MEI4: variants seen among roughly 807,000 people sequenced by gnomAD.
MEI4 encodes meiotic double-stranded break formation protein 4, also known as meiosis-specific protein MEI4.
Under a neutral mutation model 31.4 loss-of-function variants are expected in MEI4, and 27 were observed. The ratio of observed to expected loss-of-function variants is 0.86; its 90% confidence interval spans 0.63 to 1.19. MEI4 has a LOEUF of 1.19. Ranked by LOEUF, MEI4 falls within the 50% of genes most tolerant of loss-of-function variation. The pLI, the probability that MEI4 is intolerant of heterozygous loss-of-function variation, is 0.00. For synonymous variants in MEI4, 122 were observed against 145.4 expected, an observed-to-expected ratio of 0.84 and a Z score of 1.16; for missense variants, 329 against 398.9, an observed-to-expected ratio of 0.82 and a Z score of 1.49.
chr6:77,895,434 C>T (rs1766063771), intron 4 of MEI4, among the ~76,000 whole-genome samples: 1 of 152,126 alleles, frequency 6.6e-6, no homozygotes, highest in South Asian at 2.1e-4. Context: ...GCCAAACAGA[C>T]ATTTTTTCCT....
intron 4 of MEI4, among the ~76,000 whole-genome samples, chr6:77,853,885 T>C (rs1770690381): frequency 6.6e-6 from 1 of 152,220 alleles, no homozygotes; most frequent in Admixed American, 6.5e-5. Flanking sequence ...AATAGTCAAC[T>C]AATGGGCTAC....
chr6:77,755,510 CCATGTTCAATCAGTT>C (rs1301110913), intron 2 of MEI4, among the ~76,000 whole-genome samples: 2 of 151,976 alleles, frequency 1.3e-5, no homozygotes, highest in Non-Finnish European at 2.9e-5. Context: ...CCTCCACCTC[CCATGTTCAATCAGTT>C]CTCCTGCCTC....
intron 4 of MEI4, among the ~76,000 whole-genome samples, chr6:77,920,945 G>A (rs915326203): frequency 6.6e-6 from 1 of 151,826 alleles, no homozygotes; most frequent in African/African-American, 2.4e-5. Context: ...AGTAGATTTA[G>A]CATAATAAAT....
At position 77,802,491 on chromosome 6, in the gene MEI4, G is replaced by A. The variant is rs138828713; in HGVS notation, c.769-26440G>A. Among the ~76,000 whole-genome samples, 215 of 152,254 alleles carry A rather than the reference G, an allele frequency of 1.4e-3. 1 individual carries two copies. Among genetic ancestry groups the A allele is most frequent in the African/African-American group, 4.5e-3 (187 of 41,568 alleles). On this transcript the variant is annotated intron_variant, in intron 3 of 4. Transcript: ENST00000684080. ...TTACATTTAAAGTTAATATTGTTATGTGTGAATTTGATCCTATCATTATGA... is the reference window on the plus strand; with the variant it reads ...TTACATTTAAAGTTAATATTGTTATATGTGAATTTGATCCTATCATTATGA...
At chr6:77,846,503 A>T (rs1582209067) in intron 4 of MEI4, among the ~76,000 whole-genome samples, 1 of 152,220 alleles carries the variant, frequency 6.6e-6, no homozygotes, top group East Asian at 1.9e-4. Flanking sequence ...TATTCCTTGT[A>T]TCATTTACTG....
chr6:77,688,129 A>G (rs1159085687), intron 1 of MEI4, among the ~76,000 whole-genome samples: 2 of 152,072 alleles, frequency 1.3e-5, no homozygotes, highest in East Asian at 3.9e-4. Context: ...ATAGAAGTTC[A>G]TTTTTCTTCC....
intron 2 of MEI4, among the ~76,000 whole-genome samples, chr6:77,734,567 C>G (rs1366994980): frequency 6.6e-6 from 1 of 152,032 alleles, no homozygotes; most frequent in African/African-American, 2.4e-5. Context: ...ATACAGCACA[C>G]TGATGGGTCT....
intron 2 of MEI4, among the ~76,000 whole-genome samples, chr6:77,744,979 TGGAAA>T (rs1767544629): frequency 6.6e-6 from 1 of 151,990 alleles, no homozygotes; most frequent in Non-Finnish European, 1.5e-5. Flanking sequence ...GCACTAAACA[TGGAAA>T]GGAACAACCG....
At chr6:77,675,917 G>A (rs1768836515) in intron 1 of MEI4, among the ~76,000 whole-genome samples, 2 of 152,134 alleles carry the variant, frequency 1.3e-5, no homozygotes, top group African/African-American at 4.8e-5. Flanking sequence ...TGTTCTCATG[G>A]CCATTTCAAG....
chr6:77,780,078 T>C (rs1768554179), intron 3 of MEI4, among the ~76,000 whole-genome samples: 1 of 152,174 alleles, frequency 6.6e-6, no homozygotes. Flanking sequence ...GCTTGCAGGC[T>C]GACTACATGC....
At chr6:77,868,521 A>ATATATATATATATATATATATATG (rs1771113690) in intron 4 of MEI4, among the ~76,000 whole-genome samples, 1 of 138,354 alleles carries the variant, frequency 7.2e-6, no homozygotes, top group Non-Finnish European at 1.6e-5. Flanking sequence ...ATATATATAT[A>ATATATATATATATATATATATATG]TATATATGCA....
chr6:77,743,053 G>T (rs908221766), intron 2 of MEI4, among the ~76,000 whole-genome samples: 1 of 152,064 alleles, frequency 6.6e-6, no homozygotes, highest in Admixed American at 6.6e-5. Context: ...GTCAGGTAGC[G>T]TGATGCCTCC....
intron 4 of MEI4, among the ~76,000 whole-genome samples, chr6:77,919,529 A>G (rs371511305): frequency 1.4e-4 from 21 of 152,008 alleles, no homozygotes; most frequent in African/African-American, 3.6e-4. Flanking sequence ...AGCACTAAAT[A>G]CCCACAAGAG....
intron 1 of MEI4, among the ~76,000 whole-genome samples, chr6:77,665,658 A>AGG (rs1768616169): frequency 6.6e-6 from 1 of 152,218 alleles, no homozygotes; most frequent in Non-Finnish European, 1.5e-5. Context: ...TTAAACACCA[A>AGG]GGGAAGGCTG....
chr6:77,830,221 A>C (rs1770045414), intron 4 of MEI4, among the ~76,000 whole-genome samples: 1 of 152,082 alleles, frequency 6.6e-6, no homozygotes, highest in East Asian at 1.9e-4. Flanking sequence ...ATGTAGAGGC[A>C]TTAGGCTGTT....
rs571959384 is a variant in MEI4, at chr6:77,865,456, C to T, written c.900+36394C>T. 1.0e-3 allele frequency among the ~76,000 whole-genome samples: 155 copies of T among 152,176 alleles called. 1 individual carries two copies. Among genetic ancestry groups the T allele is most frequent in the African/African-American group, 3.6e-3 (149 of 41,544 alleles). Reference sequence around the variant, plus strand: ...TCAGAGAATACTATAAACACTTCTACGCAAATAAACTAGAAAATCTAGAAG... The same window carrying T: ...TCAGAGAATACTATAAACACTTCTATGCAAATAAACTAGAAAATCTAGAAG... On this transcript the variant is annotated intron_variant, in intron 4 of 4. Coordinates refer to ENST00000684080, the MANE Select transcript of MEI4 (RefSeq NM_001322247.2).
At chr6:77,650,415 G>C (rs771991201), upstream of MEI4, among the ~76,000 whole-genome samples, 1 of 152,212 alleles carries the variant, frequency 6.6e-6, no homozygotes. Flanking sequence ...CTTCCCCCAC[G>C]AGTGGAAGGC....
Position 77,690,655 on chromosome 6 carries a change from T to C in MEI4, c.-14-3T>C, listed in dbSNP as rs761950297. The C allele has an allele frequency of 1.3e-4, 162 of 1,206,960 alleles. No individual in the cohort carries two copies. The highest frequency in any genetic ancestry group is 1.2e-4 in the African/African-American group (8 of 64,006). The allele number at this position is 1,206,960 out of a possible 1,614,324, so 74.8% of individuals were successfully genotyped here. On this transcript the variant is annotated splice_region_variant and splice_polypyrimidine_tract_variant and intron_variant, in intron 1 of 4. Coordinates refer to ENST00000684080, the MANE Select transcript of MEI4 (RefSeq NM_001322247.2). ...CTATAACTTTTTTCTTATTAAATGATAGGGACAAAAGCCAGGATGGATGTT... is the reference window on the plus strand; with the variant it reads ...CTATAACTTTTTTCTTATTAAATGACAGGGACAAAAGCCAGGATGGATGTT...
intron 2 of MEI4, among the ~76,000 whole-genome samples, chr6:77,733,534 C>G (rs76732167): frequency 6.6e-6 from 1 of 151,740 alleles, no homozygotes; most frequent in Non-Finnish European, 1.5e-5. Flanking sequence ...CTTTATTAGT[C>G]TTGCTAGCGG....
Sources: gnomAD v4.1 joint callset for allele counts (sites outside exome capture counted in the v4.1 genomes callset) on GRCh38, gnomAD v4.1.1 for gene constraint, MANE v1.5 for transcripts, NCBI Gene and HGNC (gene_info 2026-07-23, HGNC 2026-07-21) for gene names.